The following NPHS1 variants were observed in gnomAD, a reference collection of about 807,000 sequenced individuals.
NPHS1 encodes NPHS1 adhesion molecule, nephrin.
In NPHS1, 107 loss-of-function variants were observed where a neutral mutation model predicts 139.7. That is an observed-to-expected ratio of 0.77 (90% CI 0.66 to 0.90). NPHS1 has a LOEUF of 0.90. Among genes scored for constraint, NPHS1 ranks in the 40% least tolerant of loss-of-function variants. NPHS1 has a pLI of 0.00. For missense variants in NPHS1, 1,580 were observed against 1,654.2 expected (o/e 0.96, Z 0.78); for synonymous variants, 707 against 706.6 (o/e 1.00, Z -0.01).
intron 23 of NPHS1, among the ~76,000 whole-genome samples, chr19:35,833,068 A>AT (rs1972906022): frequency 7.4e-6 from 1 of 135,168 alleles, no homozygotes; most frequent in African/African-American, 2.9e-5. Context: ...TTTTTTTTGT[A>AT]TTTTTAATAG....
chr19:35,831,849 C>T (rs1229675790), intron 23 of NPHS1, 87 bp from the exon 24 acceptor site: 2 of 1,388,194 alleles, frequency 1.4e-6, no homozygotes, highest in African/African-American at 1.4e-5. Context: ...TAGCCCTGAC[C>T]AAGTCCCTCC....
chr19:35,843,432 C>T (rs1383603500), intron 17 of NPHS1, 40 bp downstream of exon 17: 30 of 1,612,818 alleles, frequency 1.9e-5, no homozygotes, highest in Non-Finnish European at 2.4e-5. Flanking sequence ...AACCACAACC[C>T]CTTGACCCCA....
rs764060185 is a variant in NPHS1 at position 35,848,964 on chromosome 19, A to G, written c.1012+12T>C. 1.2e-6 allele frequency: 2 copies of G among 1,611,512 alleles called. No homozygotes were observed. Among genetic ancestry groups the G allele is most frequent in the Non-Finnish European group, 1.7e-6 (2 of 1,180,008 alleles). On this transcript the variant is annotated intron_variant, in intron 8 of 28. Coordinates refer to ENST00000378910, the MANE Select transcript of NPHS1 (RefSeq NM_004646.4). ...ACAGACCGACAGGGGGGCAGCTGGC[A>G]CCAGGACTCACAGGTGACCTGCAGT...
At chr19:35,837,537 T>C (rs564633552) in intron 22 of NPHS1, among the ~76,000 whole-genome samples, 1 of 152,302 alleles carries the variant, frequency 6.6e-6, no homozygotes, top group South Asian at 2.1e-4. Context: ...TATTTTCTTC[T>C]TTCTGTTTAC....
chr19:35,851,820 C>T lies in NPHS1; in HGVS notation c.18G>A (p.Thr6=), dbSNP rs370650840. ...CCAGGAGCAGGAGAGAAGCCCTGAG[C>T]GTCGTCCCCAGGGCCATCACAGGTC... MALGT[T]LRASLLLLGL... Residue 6 remains threonine, a synonymous_variant, in exon 1 of 29, where the codon ACG becomes ACA. Transcript: ENST00000378910. 9.0e-6 allele frequency: 14 copies of T among 1,552,136 alleles called. No homozygotes were observed. The highest frequency in any genetic ancestry group is 1.2e-5 in the South Asian group (1 of 84,096).
At chr19:35,833,272 T>A (rs573342375) in intron 23 of NPHS1, among the ~76,000 whole-genome samples, 15 of 152,250 alleles carry the variant, frequency 9.9e-5, no homozygotes, top group African/African-American at 3.6e-4. Context: ...AGGACAAGGC[T>A]GAACCCCTCT....
chr19:35,845,967 C>CG lies in NPHS1; in HGVS notation c.1627+40_1627+41insC. ...GTCCCTGCCCCACCTGGCTCTGTCCCTCCCGCCCCGCCCCCGGGCCTCAGC... is the reference window on the plus strand; with the variant it reads ...GTCCCTGCCCCACCTGGCTCTGTCCCGTCCCGCCCCGCCCCCGGGCCTCAGC... On this transcript the variant is annotated intron_variant, in intron 12 of 28. Transcript: ENST00000378910. The surrounding 1 kb of genome is among the most constrained non-coding windows in gnomAD (Gnocchi z 5.5). 3 of 1,538,224 alleles carry CG rather than the reference C, an allele frequency of 2.0e-6. No individual in the cohort carries two copies. The highest frequency in any genetic ancestry group is 2.6e-6 in the Non-Finnish European group (3 of 1,137,104).
Position 35,826,583 on chromosome 19 carries a change from CT to C in NPHS1, c.3656del (p.Gln1219ArgfsTer18). The C allele has an allele frequency of 6.2e-7, 1 of 1,614,064 alleles. No individual in the cohort carries two copies. The highest frequency in any genetic ancestry group is 8.5e-7 in the Non-Finnish European group (1 of 1,180,008). ...CCAGAGTGTCCAAGTCTCCGGCCAC[CT>C]GGTCATAGATTCCTCTTGGATCCTG... ...TYQDPRGIYD[Q>X]VAGDLDTLEP... is the part of the protein sequence containing the mutation. On this transcript the variant is annotated frameshift_variant, in exon 29 of 29. Transcript: ENST00000378910. LOFTEE classifies it high-confidence loss of function.
rs1180813841 is a variant in NPHS1 at position 35,852,151 on chromosome 19, A to C, written c.-314T>G. Reference sequence around the variant, plus strand: ...ACTATGTTGGCCAGGTTGATCTCAGACTCTTTCCTTCAAGCCATCCTCCCA... The same window carrying C: ...ACTATGTTGGCCAGGTTGATCTCAGCCTCTTTCCTTCAAGCCATCCTCCCA... On this transcript the variant is annotated 5_prime_UTR_variant, in exon 1 of 29. Coordinates refer to ENST00000378910, the MANE Select transcript of NPHS1 (RefSeq NM_004646.4). Among the ~76,000 whole-genome samples the C allele has an allele frequency of 1.1e-4, 13 of 120,166 alleles. No individual in the cohort carries two copies. Among genetic ancestry groups the C allele is most frequent in the Non-Finnish European group, 1.7e-4 (10 of 59,296 alleles). The allele number at this position is 120,166 out of a possible 152,430, so 78.8% of individuals were successfully genotyped here.
rs1475487583 is a variant in NPHS1, at chr19:35,849,341, G to A, written c.735C>T (p.Ile245=). 14 of 1,612,550 alleles carry A rather than the reference G, an allele frequency of 8.7e-6. No homozygotes were observed. The highest frequency in any genetic ancestry group is 1.2e-5 in the Non-Finnish European group (14 of 1,179,890). ...NVLFPPGPPV[I]EWPGLDEGHV... ...GCCCCTCATCCAGGCCTGGCCACTC[G>A]ATGACAGGGGGTCCTGGAGGGACTG... Residue 245 remains isoleucine (I), a synonymous_variant, in exon 7 of 29, where the codon ATC becomes ATT. Transcript: ENST00000378910.
chr19:35,841,602 C>T (rs532756477), intron 20 of NPHS1, 113 bp downstream of exon 20: 2 of 1,269,254 alleles, frequency 1.6e-6, no homozygotes, highest in African/African-American at 1.5e-5. Flanking sequence ...TCCATCCTCA[C>T]ACATACACAG....
intron 11 of NPHS1, among the ~76,000 whole-genome samples, 190 bp from the exon 12 acceptor site, chr19:35,846,384 C>G (rs1973143443): frequency 6.6e-6 from 1 of 152,208 alleles, no homozygotes; most frequent in African/African-American, 2.4e-5. Flanking sequence ...TGACCCCCTC[C>G]CTGGAGTCTC....
chr19:35,849,685 A>G (rs1445193716), intron 5 of NPHS1, 32 bp from the exon 6 acceptor site: 4 of 1,538,960 alleles, frequency 2.6e-6, no homozygotes, highest in Non-Finnish European at 3.6e-6. Flanking sequence ...ATAGAGTCAG[A>G]GTCATCATCT....
Position 35,851,299 on chromosome 19 carries a change from G to C in NPHS1, c.360C>G (p.Pro120=), listed in dbSNP as rs371652869. Residue 120 remains proline, a synonymous_variant, in exon 3 of 29, where the codon CCC becomes CCG. Transcript: ENST00000378910. The stretch of plus-strand genomic sequence containing the variant: ...GGATCACTCTGGGAGACACGAGCTC[G>C]GGCCCCATCTCAGAGCGGCCGACCT... ...ECQVGRSEMG[P]ELVSPRVILS... is the part of the protein sequence containing the mutation. The C allele has an allele frequency of 3.1e-6, 5 of 1,613,824 alleles. No individual in the cohort carries two copies. The East Asian group carries it at 6.7e-5, about 22-fold the overall frequency.
In NPHS1 at chr19:35,838,118, C is replaced by T. The variant is rs540560652; in HGVS notation, c.3109+1119G>A. Among the ~76,000 whole-genome samples, 7 of 150,894 alleles carry T rather than the reference C, an allele frequency of 4.6e-5. No homozygotes were observed. The East Asian group carries it at 1.4e-3, about 30-fold the overall frequency. ...AAATACAAAAAATTACAGGTGCATGCCTGTAATCCCAGCTACTTGGGAGGC... is the reference window on the plus strand; with the variant it reads ...AAATACAAAAAATTACAGGTGCATGTCTGTAATCCCAGCTACTTGGGAGGC... On this transcript the variant is annotated intron_variant, in intron 22 of 28. Coordinates refer to ENST00000378910, the MANE Select transcript of NPHS1 (RefSeq NM_004646.4).
At chr19:35,846,243 C>T (rs1207454665) in intron 11 of NPHS1, 49 bp from the exon 12 acceptor site, 1 of 1,531,140 alleles carries the variant, frequency 6.5e-7, no homozygotes, top group Non-Finnish European at 8.8e-7. Flanking sequence ...GCCGCTTCCA[C>T]CAACCCCCAA....
At position 35,851,935 on chromosome 19, in the gene NPHS1, G is replaced by A. The variant is rs1599848977; in HGVS notation, c.-98C>T. ...CCCTCTCTGTGTGTCTCTGCCACCTGCTTTTCTTTTTTATCTCTTTCCGTT... is the reference window on the plus strand; with the variant it reads ...CCCTCTCTGTGTGTCTCTGCCACCTACTTTTCTTTTTTATCTCTTTCCGTT... On this transcript the variant is annotated 5_prime_UTR_variant, in exon 1 of 29. Coordinates refer to ENST00000378910, the MANE Select transcript of NPHS1 (RefSeq NM_004646.4). 5.8e-6 allele frequency: 6 copies of A among 1,041,356 alleles called. No individual in the cohort carries two copies. In the Admixed American group the frequency reaches 1.2e-4, roughly 21 times the overall value. 64.5% of individuals were successfully genotyped at this position (1,041,356 alleles called of 1,614,324 possible).
chr19:35,836,056 T>C, intron 22 of NPHS1, among the ~76,000 whole-genome samples: 1 of 145,386 alleles, frequency 6.9e-6, no homozygotes, highest in Non-Finnish European at 1.5e-5. Flanking sequence ...GCCTCCCGGG[T>C]TCAAGCAATT....
chr19:35,831,882 G>A, intron 23 of NPHS1, 120 bp from the exon 24 acceptor site: 1 of 1,079,226 alleles, frequency 9.3e-7, no homozygotes, highest in Non-Finnish European at 1.4e-6. Flanking sequence ...GAAACAGATG[G>A]GCAGAGGTCT....
Sources: gnomAD v4.1 joint callset for allele counts (sites outside exome capture counted in the v4.1 genomes callset) on GRCh38, gnomAD v4.1.1 for gene constraint, Gnocchi (gnomAD v3.1) non-coding constraint, MANE v1.5 for transcripts, NCBI Gene and HGNC (gene_info 2026-07-23, HGNC 2026-07-21) for gene names.